Variants in DLG2 observed in about 807,000 individuals in gnomAD.
DLG2 encodes discs large MAGUK scaffold protein 2.
In DLG2, 45 loss-of-function variants were observed where a neutral mutation model predicts 132.5. The ratio of observed to expected loss-of-function variants is 0.34; its 90% CI spans 0.27 to 0.44. The LOEUF is 0.44. DLG2 is among the 20% of genes least tolerant of loss of function. The pLI is 1.00. For synonymous variants in DLG2, 424 were observed against 419.6 expected, an observed-to-expected ratio of 1.01 and a Z score of -0.13; for missense variants, 1,045 against 1,196.9, an observed-to-expected ratio of 0.87 and a Z score of 1.87.
At chr11:83,508,403 A>ATTT (rs746968613) in intron 21 of DLG2, among the ~76,000 whole-genome samples, 7 of 80,200 alleles carry the variant, frequency 8.7e-5, no homozygotes, top group South Asian at 4.8e-4. Flanking sequence ...CGCCTGGCTA[A>ATTT]TTTTTTTTTT....
At chr11:84,662,831 G>A (rs2099695989) in intron 6 of DLG2, among the ~76,000 whole-genome samples, 4 of 148,962 alleles carry the variant, frequency 2.7e-5, no homozygotes, top group Admixed American at 1.3e-4. Flanking sequence ...GAGTTTGAAG[G>A]TCCTGATTAG....
chr11:85,332,881 G>A (rs1407535097), intron 3 of DLG2, among the ~76,000 whole-genome samples: 1 of 152,138 alleles, frequency 6.6e-6, no homozygotes, highest in Non-Finnish European at 1.5e-5. Flanking sequence ...AAGTCAGAGA[G>A]TATGATGCCT....
At chr11:83,495,859 C>G (rs1243298607) in intron 21 of DLG2, among the ~76,000 whole-genome samples, 1 of 152,084 alleles carries the variant, frequency 6.6e-6, no homozygotes, top group Non-Finnish European at 1.5e-5. Context: ...TCTAAACACA[C>G]AGGCTTAAAC....
chr11:84,322,714 C>T (rs57094853), intron 7 of DLG2, among the ~76,000 whole-genome samples: 19,510 of 151,834 alleles, frequency 0.13, 1,413 homozygotes, highest in East Asian at 0.3. Context: ...CTCAGCATCC[C>T]GAGTAGCTGG....
At chr11:83,563,672 C>A (rs2096653579) in intron 19 of DLG2, among the ~76,000 whole-genome samples, 1 of 152,104 alleles carries the variant, frequency 6.6e-6, no homozygotes, top group South Asian at 2.1e-4. Flanking sequence ...ATTCAAGAAT[C>A]CTACAAGGGA....
chr11:84,793,054 T>C (rs1255725431), intron 6 of DLG2, among the ~76,000 whole-genome samples: 2 of 152,242 alleles, frequency 1.3e-5, no homozygotes, highest in East Asian at 3.9e-4. Flanking sequence ...CTTATAGCTA[T>C]AAATTTCCCA....
intron 6 of DLG2, among the ~76,000 whole-genome samples, chr11:84,907,857 G>C (rs193276264): frequency 6.6e-6 from 1 of 152,092 alleles, no homozygotes; most frequent in African/African-American, 2.4e-5. Flanking sequence ...TAGCCTTCTG[G>C]GCAAGTCACT....
intron 6 of DLG2, among the ~76,000 whole-genome samples, chr11:84,934,765 T>A (rs1267997269): frequency 6.6e-6 from 1 of 151,950 alleles, no homozygotes; most frequent in Admixed American, 6.6e-5. Context: ...CAGACTTTTA[T>A]ATGCCCGAGT....
chr11:84,495,358 G>A (rs2099179049), intron 7 of DLG2, among the ~76,000 whole-genome samples: 1 of 152,080 alleles, frequency 6.6e-6, no homozygotes, highest in Admixed American at 6.6e-5. Context: ...TGACTGCTCT[G>A]ACATAAATGT....
At chr11:84,176,527 T>C (rs1454161347) in intron 8 of DLG2, among the ~76,000 whole-genome samples, 2 of 151,974 alleles carry the variant, frequency 1.3e-5, no homozygotes, top group East Asian at 3.9e-4. Context: ...TCAATTAACT[T>C]AGAAGTCTAA....
At chr11:84,624,758 T>G (rs992526013) in intron 6 of DLG2, among the ~76,000 whole-genome samples, 1 of 150,796 alleles carries the variant, frequency 6.6e-6, no homozygotes, top group Non-Finnish European at 1.5e-5. Flanking sequence ...CTCCCCACTT[T>G]AACCCACACC....
At chr11:84,967,308 C>T (rs2053484875) in intron 6 of DLG2, among the ~76,000 whole-genome samples, 1 of 151,966 alleles carries the variant, frequency 6.6e-6, no homozygotes, top group African/African-American at 2.4e-5. Context: ...TGCTGGTTGC[C>T]AGTGAAAAAT....
At chr11:84,833,498 G>A (rs2153998132) in intron 6 of DLG2, among the ~76,000 whole-genome samples, 1 of 151,630 alleles carries the variant, frequency 6.6e-6, no homozygotes, top group East Asian at 2.0e-4. Flanking sequence ...CTATAGAACT[G>A]TGACTTAGAC....
chr11:83,762,667 G>A (rs1049198286), intron 18 of DLG2, among the ~76,000 whole-genome samples: 1 of 151,274 alleles, frequency 6.6e-6, no homozygotes, highest in East Asian at 1.9e-4. Context: ...TGCAAGCTCC[G>A]CCTCCTGGGT....
intron 6 of DLG2, among the ~76,000 whole-genome samples, chr11:84,926,721 T>A (rs1474305290): frequency 6.6e-6 from 1 of 151,912 alleles, no homozygotes; most frequent in African/African-American, 2.4e-5. Flanking sequence ...ACTTATCCAA[T>A]CCAACTATCC....
intron 3 of DLG2, among the ~76,000 whole-genome samples, chr11:85,294,423 G>A (rs943729141): frequency 1.3e-5 from 2 of 152,028 alleles, no homozygotes; most frequent in African/African-American, 2.4e-5. Flanking sequence ...GGAAGAGGTA[G>A]AAGATCAGAT....
intron 4 of DLG2, among the ~76,000 whole-genome samples, chr11:85,180,317 C>CT (rs2079605117): frequency 6.6e-6 from 1 of 151,722 alleles, no homozygotes; most frequent in African/African-American, 2.4e-5. Flanking sequence ...TCTGTATTTT[C>CT]TACAGTGCAT....
At position 83,812,302 on chromosome 11, in the gene DLG2, A is replaced by G. The variant is rs565137367; in HGVS notation, c.1722+21312T>C. ...CTCTCCCATCCCAAGTGTTTTATAG[A>G]TGGTTTGTGGTTGTGTTTAACAGTA... On this transcript the variant is annotated intron_variant, in intron 17 of 27. Transcript: ENST00000376104. Among the ~76,000 whole-genome samples the G allele has an allele frequency of 3.3e-5, 5 of 152,212 alleles. No homozygotes were observed. In the South Asian group the frequency reaches 1.0e-3, roughly 32 times the overall value.
At chr11:84,998,668 T>A (rs1459280985) in intron 6 of DLG2, among the ~76,000 whole-genome samples, 1 of 152,146 alleles carries the variant, frequency 6.6e-6, no homozygotes, top group Non-Finnish European at 1.5e-5. Context: ...AAGTATGTCC[T>A]TTTATACCTT....
Sources: gnomAD v4.1 joint callset for allele counts (sites outside exome capture counted in the v4.1 genomes callset) on GRCh38, gnomAD v4.1.1 for gene constraint, MANE v1.5 for transcripts, NCBI Gene and HGNC (gene_info 2026-07-23, HGNC 2026-07-21) for gene names.